CTNNBL1: variants seen among roughly 807,000 people sequenced by gnomAD.
CTNNBL1 encodes beta-catenin-like protein 1.
In CTNNBL1, 31 loss-of-function variants were observed where a neutral mutation model predicts 72.7. That is an observed-to-expected ratio of 0.43 (90% CI 0.32 to 0.58). The LOEUF (loss-of-function observed/expected upper bound fraction) is 0.58, where lower values mean the gene tolerates loss of function less well. Ranked by LOEUF, CTNNBL1 falls within the 20% of genes least tolerant of loss-of-function variation. The pLI is 0.08. For synonymous variants in CTNNBL1, 240 were observed against 267.3 expected, an observed-to-expected ratio of 0.90 and a Z score of 1.00; for missense variants, 534 against 725.1, an observed-to-expected ratio of 0.74 and a Z score of 3.03.
chr20:37,853,898 A>G (rs922913943), intron 13 of CTNNBL1, among the ~76,000 whole-genome samples: 2 of 152,242 alleles, frequency 1.3e-5, no homozygotes, highest in Non-Finnish European at 2.9e-5. Context: ...TTCTGACAAC[A>G]GTCAACTTCA....
intron 11 of CTNNBL1, among the ~76,000 whole-genome samples, chr20:37,830,339 A>C (rs2072196964): frequency 6.6e-6 from 1 of 152,200 alleles, no homozygotes; most frequent in Admixed American, 6.5e-5. Flanking sequence ...TTTTGTCAGT[A>C]AATGAACGAG....
chr20:37,861,674 G>A (rs1170341417), intron 15 of CTNNBL1, among the ~76,000 whole-genome samples: 1 of 152,162 alleles, frequency 6.6e-6, no homozygotes, highest in Non-Finnish European at 1.5e-5. Flanking sequence ...TTAAGAGCGT[G>A]GGCTCTAGGG....
At chr20:37,825,441 G>A (rs901471328) in intron 11 of CTNNBL1, among the ~76,000 whole-genome samples, 4 of 152,062 alleles carry the variant, frequency 2.6e-5, no homozygotes, top group African/African-American at 4.8e-5. Flanking sequence ...TTGGGAGACC[G>A]AGGTAGGTGA....
At chr20:37,808,276 T>C (rs2071977892) in intron 11 of CTNNBL1, among the ~76,000 whole-genome samples, 2 of 152,350 alleles carry the variant, frequency 1.3e-5, no homozygotes, top group South Asian at 2.1e-4. Flanking sequence ...CTGCCTTGTG[T>C]ATCTTCCTAA....
At chr20:37,846,762 C>T (rs1476312002) in intron 13 of CTNNBL1, among the ~76,000 whole-genome samples, 1 of 152,142 alleles carries the variant, frequency 6.6e-6, no homozygotes, top group Admixed American at 6.5e-5. Context: ...CCTTTGTTTC[C>T]TTCTTTACAT....
chr20:37,842,271 A>C lies in CTNNBL1; in HGVS notation c.1312-68A>C, dbSNP rs1181768485. The C allele has an allele frequency of 8.7e-6, 9 of 1,040,438 alleles. No individual in the cohort carries two copies. The Admixed American group carries it at 1.5e-4, about 18-fold the overall frequency. 64.5% of individuals were successfully genotyped at this position (1,040,438 alleles called of 1,614,324 possible). ...AGGGAGCGACAGTGAGATGAATAGGAGTGCCACTGTTCTCTTGCTGTGCGT... is the reference window on the plus strand; with the variant it reads ...AGGGAGCGACAGTGAGATGAATAGGCGTGCCACTGTTCTCTTGCTGTGCGT... On this transcript the variant is annotated intron_variant, in intron 12 of 15. Coordinates refer to ENST00000361383, the MANE Select transcript of CTNNBL1 (RefSeq NM_030877.5).
At chr20:37,769,347 C>G (rs556979778) in intron 7 of CTNNBL1, among the ~76,000 whole-genome samples, 207 of 152,310 alleles carry the variant, frequency 1.4e-3, no homozygotes, top group Admixed American at 2.7e-3. Flanking sequence ...TTTATCATAT[C>G]CCACTGATAA....
intron 4 of CTNNBL1, chr20:37,751,201 TTAATAATAA>T (rs147747134): frequency 6.6e-6 from 1 of 151,792 alleles, no homozygotes; most frequent in Non-Finnish European, 1.5e-5. Flanking sequence ...CCTTTATTCT[TTAATAATAA>T]TAATAATAAT....
chr20:37,737,837 T>C (rs2073183617), intron 3 of CTNNBL1, among the ~76,000 whole-genome samples: 1 of 152,244 alleles, frequency 6.6e-6, no homozygotes, highest in African/African-American at 2.4e-5. Context: ...GCAGTGATGC[T>C]GTCCAGGGAA....
chr20:37,855,554 C>T (rs1377194735), intron 13 of CTNNBL1, among the ~76,000 whole-genome samples: 1 of 152,210 alleles, frequency 6.6e-6, no homozygotes, highest in African/African-American at 2.4e-5. Flanking sequence ...ATGAGTTCCA[C>T]TCCAGGTTCC....
At chr20:37,741,154 T>C (rs2073212550) in intron 3 of CTNNBL1, among the ~76,000 whole-genome samples, 1 of 152,246 alleles carries the variant, frequency 6.6e-6, no homozygotes, top group African/African-American at 2.4e-5. Context: ...GGTTACTGTT[T>C]TAATATGTTG....
intron 1 of CTNNBL1, among the ~76,000 whole-genome samples, chr20:37,699,113 C>T (rs2072817999): frequency 6.6e-6 from 1 of 152,142 alleles, no homozygotes; most frequent in Non-Finnish European, 1.5e-5. Flanking sequence ...ATGAAAGATG[C>T]TTTACTAACC....
At chr20:37,697,967 C>G (rs2072807718) in intron 1 of CTNNBL1, among the ~76,000 whole-genome samples, 1 of 152,174 alleles carries the variant, frequency 6.6e-6, no homozygotes, top group South Asian at 2.1e-4. Flanking sequence ...TTTTGTCAAT[C>G]TGACCCCTTT....
chr20:37,869,126 G>T (rs2072561155), intron 15 of CTNNBL1, among the ~76,000 whole-genome samples: 1 of 152,194 alleles, frequency 6.6e-6, no homozygotes, highest in Admixed American at 6.5e-5. Context: ...TGATGGATGG[G>T]CCTAACAGAA....
intron 1 of CTNNBL1, among the ~76,000 whole-genome samples, chr20:37,706,048 A>G (rs543326903): frequency 6.6e-6 from 1 of 152,228 alleles, no homozygotes; most frequent in Non-Finnish European, 1.5e-5. Context: ...TAAGTGTGCA[A>G]TAGTATTGTA....
intron 13 of CTNNBL1, among the ~76,000 whole-genome samples, 198 bp downstream of exon 13, chr20:37,842,617 G>A (rs990797820): frequency 2.0e-5 from 3 of 152,186 alleles, no homozygotes; most frequent in African/African-American, 7.2e-5. Flanking sequence ...GAAGAAGTAT[G>A]TGTAGCGTCC....
chr20:37,729,981 A>C (rs2073116197), intron 1 of CTNNBL1, among the ~76,000 whole-genome samples: 1 of 152,216 alleles, frequency 6.6e-6, no homozygotes, highest in Non-Finnish European at 1.5e-5. Flanking sequence ...CAGGGAGACT[A>C]GGAAGAGAGT....
At chr20:37,822,237 G>T (rs1440884055) in intron 11 of CTNNBL1, among the ~76,000 whole-genome samples, 1 of 152,156 alleles carries the variant, frequency 6.6e-6, no homozygotes, top group Non-Finnish European at 1.5e-5. Context: ...CCGTGGTGTG[G>T]GTGTCTTCCC....
chr20:37,712,901 C>G (rs1228245743), intron 1 of CTNNBL1, among the ~76,000 whole-genome samples: 1 of 152,238 alleles, frequency 6.6e-6, no homozygotes, highest in Admixed American at 6.5e-5. Context: ...CAGTGCATCT[C>G]TTAGTGCTGA....
Sources: allele counts gnomAD v4.1 joint callset (sites outside exome capture counted in the v4.1 genomes callset), GRCh38; gene constraint gnomAD v4.1.1; transcripts MANE v1.5; gene names NCBI Gene and HGNC (gene_info 2026-07-23, HGNC 2026-07-21).